The following WNT7B variants were observed in gnomAD, a reference collection of about 807,000 sequenced individuals.
WNT7B encodes Wnt family member 7B.
A neutral mutation model predicts 38.2 loss-of-function variants in WNT7B; 19 were observed. That is an observed-to-expected ratio of 0.50 (90% CI 0.35 to 0.73). The LOEUF is 0.73. Among genes scored for constraint, WNT7B ranks in the 30% least tolerant of loss-of-function variants. WNT7B has a pLI of 0.01. For missense variants in WNT7B, 423 were observed against 507.9 expected, an observed-to-expected ratio of 0.83 and a Z score of 1.61; for synonymous variants, 243 against 209.3, an observed-to-expected ratio of 1.16 and a Z score of -1.39.
At chr22:45,959,025 A>G (rs917575527) in intron 1 of WNT7B, among the ~76,000 whole-genome samples, 1 of 152,124 alleles carries the variant, frequency 6.6e-6, no homozygotes, top group Non-Finnish European at 1.5e-5. Context: ...GGATGGCAGA[A>G]CCCTGTCTTA....
chr22:45,961,607 C>T (rs1321522556), intron 1 of WNT7B, among the ~76,000 whole-genome samples: 1 of 116,928 alleles, frequency 8.6e-6, no homozygotes, highest in South Asian at 2.6e-4. Flanking sequence ...AGAGGAGGCA[C>T]AGGGAGCTGG....
At chr22:45,946,118 C>T (rs1221547705) in intron 2 of WNT7B, among the ~76,000 whole-genome samples, 1 of 152,164 alleles carries the variant, frequency 6.6e-6, no homozygotes, top group Non-Finnish European at 1.5e-5. Context: ...CAGAGGGAAG[C>T]CCTCACCTGC....
Position 45,951,291 on chromosome 22 carries a change from G to T in WNT7B, c.72-1145C>A, listed in dbSNP as rs1342276531. Among the ~76,000 whole-genome samples the T allele has an allele frequency of 6.6e-6, 1 of 152,058 alleles. No homozygotes were observed. The highest frequency in any genetic ancestry group is 2.1e-4 in the South Asian group (1 of 4,814). Reference sequence around the variant, plus strand: ...AGGATTTCACTGTGTTGGCCAGGCTGGTCTCGAACTCCTGACCTCAGGTCA... The same window carrying T: ...AGGATTTCACTGTGTTGGCCAGGCTTGTCTCGAACTCCTGACCTCAGGTCA... On this transcript the variant is annotated intron_variant, in intron 1 of 3. Transcript: ENST00000339464. The surrounding 1 kb of genome is among the most constrained non-coding windows in gnomAD (Gnocchi z 4.8).
At chr22:45,938,661 T>C (rs1161685856) in intron 2 of WNT7B, among the ~76,000 whole-genome samples, 1 of 151,046 alleles carries the variant, frequency 6.6e-6, no homozygotes, top group East Asian at 2.0e-4. Flanking sequence ...GAGGTACAAA[T>C]ACACACAGGT....
intron 3 of WNT7B, among the ~76,000 whole-genome samples, 167 bp downstream of exon 3, chr22:45,930,931 C>T (rs1053447374): frequency 6.6e-6 from 1 of 152,180 alleles, no homozygotes; most frequent in East Asian, 1.9e-4. Context: ...CCTCCCGGTG[C>T]TGGGAGGCTC....
Position 45,961,212 on chromosome 22 carries a change from G to A in WNT7B, c.72-11066C>T, listed in dbSNP as rs189215719. Among the ~76,000 whole-genome samples, 359 of 152,340 alleles carry A rather than the reference G, an allele frequency of 2.4e-3. 1 individual carries two copies. Among genetic ancestry groups the A allele is most frequent in the African/African-American group, 8.2e-3 (340 of 41,586 alleles). Reference sequence around the variant, plus strand: ...GTCTGGGCTCAACAGCTGGTGCCCCGTCCTTTCTCAGGGCCCAGCTCCGTG... The same window carrying A: ...GTCTGGGCTCAACAGCTGGTGCCCCATCCTTTCTCAGGGCCCAGCTCCGTG... On this transcript the variant is annotated intron_variant, in intron 1 of 3. Coordinates refer to ENST00000339464, the MANE Select transcript of WNT7B (RefSeq NM_058238.3).
chr22:45,975,490 T>C lies in WNT7B; in HGVS notation c.71+1194A>G, dbSNP rs1303946814. 2.8e-6 allele frequency: 2 copies of C among 712,702 alleles called. No individual in the cohort carries two copies. Among genetic ancestry groups the C allele is most frequent in the African/African-American group, 1.7e-5 (1 of 57,200 alleles). The allele number at this position is 712,702 out of a possible 1,614,324, so 44.1% of individuals were successfully genotyped here. Reference sequence around the variant, plus strand: ...AGGCTAGGACGGGGGCTTCCAGTCCTGCCTCTGAAGCCACTGGCTTTGTCT... The same window carrying C: ...AGGCTAGGACGGGGGCTTCCAGTCCCGCCTCTGAAGCCACTGGCTTTGTCT... On this transcript the variant is annotated intron_variant, in intron 1 of 3. Transcript: ENST00000339464. The surrounding 1 kb of genome is among the most constrained non-coding windows in gnomAD (Gnocchi z 6.6).
chr22:45,945,251 T>C (rs1324234659), intron 2 of WNT7B, among the ~76,000 whole-genome samples: 1 of 152,078 alleles, frequency 6.6e-6, no homozygotes, highest in Non-Finnish European at 1.5e-5. Flanking sequence ...ACTCAGCTAA[T>C]TTTGAATTTT....
chr22:45,972,720 C>G (rs1403190660), intron 1 of WNT7B: 1 of 152,290 alleles, frequency 6.6e-6, no homozygotes, highest in African/African-American at 2.4e-5. Flanking sequence ...ACACCCGTAC[C>G]CCCACCTTTA....
intron 2 of WNT7B, among the ~76,000 whole-genome samples, chr22:45,931,984 G>A (rs1054700098): frequency 6.6e-6 from 1 of 152,148 alleles, no homozygotes; most frequent in Admixed American, 6.5e-5. Context: ...CCCGCCTTCA[G>A]TCCGTCTCCA....
intron 1 of WNT7B, among the ~76,000 whole-genome samples, chr22:45,953,928 G>A (rs1156572686): frequency 6.6e-6 from 1 of 152,166 alleles, no homozygotes; most frequent in Non-Finnish European, 1.5e-5. Context: ...ATGAACCGAA[G>A]ACAGGTGTTT....
At chr22:45,961,244 A>AG (rs1397717142) in intron 1 of WNT7B, among the ~76,000 whole-genome samples, 6 of 151,800 alleles carry the variant, frequency 4.0e-5, no homozygotes, top group South Asian at 2.1e-4. Context: ...CGTGGGGTGG[A>AG]GGGGGGTGGG....
chr22:45,942,262 G>A (rs1931667879), intron 2 of WNT7B, among the ~76,000 whole-genome samples: 1 of 152,210 alleles, frequency 6.6e-6, no homozygotes, highest in African/African-American at 2.4e-5. Context: ...CAAAGTGGCT[G>A]TTGGGCACAG....
chr22:45,956,202 TTCTTAACTGTG>T, intron 1 of WNT7B, among the ~76,000 whole-genome samples: 1 of 152,258 alleles, frequency 6.6e-6, no homozygotes, highest in Non-Finnish European at 1.5e-5. Context: ...TCAGGCAAGT[TTCTTAACTGTG>T]TCTCAGTTTC....
intron 1 of WNT7B, among the ~76,000 whole-genome samples, chr22:45,970,848 G>A (rs527358974): frequency 4.6e-5 from 7 of 152,330 alleles, no homozygotes; most frequent in African/African-American, 9.6e-5. Context: ...CTGCTCAGGC[G>A]GTCCCCACCC....
At chr22:45,934,278 A>C (rs915722192) in intron 2 of WNT7B, among the ~76,000 whole-genome samples, 2 of 152,146 alleles carry the variant, frequency 1.3e-5, no homozygotes, top group African/African-American at 4.8e-5. Context: ...CTCTGAGGCT[A>C]AGGTGACCTG....
intron 2 of WNT7B, among the ~76,000 whole-genome samples, chr22:45,933,197 G>C (rs1931422634): frequency 6.6e-6 from 1 of 152,160 alleles, no homozygotes; most frequent in Non-Finnish European, 1.5e-5. Flanking sequence ...AGCTTCCCGG[G>C]AACTTCCTTC....
chr22:45,951,118 C>T lies in WNT7B; in HGVS notation c.72-972G>A, dbSNP rs941636018. Among the ~76,000 whole-genome samples, 3 of 152,198 alleles carry T rather than the reference C, an allele frequency of 2.0e-5. No homozygotes were observed. Among genetic ancestry groups the T allele is most frequent in the Non-Finnish European group, 4.4e-5 (3 of 68,034 alleles). On this transcript the variant is annotated intron_variant, in intron 1 of 3. Coordinates refer to ENST00000339464, the MANE Select transcript of WNT7B (RefSeq NM_058238.3). This position sits in a 1 kb window ranked among gnomAD's most constrained non-coding sequence, Gnocchi z 4.8. ...AGAGTTTCGGAGTCTCACTCTGTCG[C>T]GCAGGCTGGAGTGCAGTGGTGTGAT...
intron 2 of WNT7B, among the ~76,000 whole-genome samples, chr22:45,934,901 G>T (rs554888535): frequency 6.6e-6 from 1 of 152,236 alleles, no homozygotes; most frequent in Non-Finnish European, 1.5e-5. Context: ...CCTTAGGTCC[G>T]GCGAGAGTCG....
Sources: allele counts gnomAD v4.1 joint callset (sites outside exome capture counted in the v4.1 genomes callset), GRCh38; gene constraint gnomAD v4.1.1; non-coding constraint Gnocchi (gnomAD v3.1); transcripts MANE v1.5; gene names NCBI Gene and HGNC (gene_info 2026-07-23, HGNC 2026-07-21).